The following TTC28 variants were observed in gnomAD, a reference collection of about 807,000 sequenced individuals.
TTC28 encodes tetratricopeptide repeat domain 28.
A neutral mutation model predicts 198.0 loss-of-function variants in TTC28; 61 were observed. The ratio of observed to expected loss-of-function variants is 0.31; its 90% CI spans 0.25 to 0.38. The LOEUF (loss-of-function observed/expected upper bound fraction) is 0.38, where lower values mean the gene tolerates loss of function less well. Among genes scored for constraint, TTC28 ranks in the 10% least tolerant of loss-of-function variants. The pLI, the probability that TTC28 is intolerant of heterozygous loss-of-function variation, is 1.00. For missense variants in TTC28, 2,678 were observed against 3,164.0 expected (o/e 0.85, Z 3.69); for synonymous variants, 1,171 against 1,297.8 (o/e 0.90, Z 2.10).
chr22:28,569,954 G>A (rs1471481226), intron 2 of TTC28, among the ~76,000 whole-genome samples: 2 of 152,130 alleles, frequency 1.3e-5, no homozygotes, highest in Non-Finnish European at 2.9e-5. Flanking sequence ...ATTAAAAAAT[G>A]CTCAACATCA....
chr22:28,554,371 T>TA (rs35063705), intron 2 of TTC28, among the ~76,000 whole-genome samples: 3,194 of 123,080 alleles, frequency 0.026, 33 homozygotes, highest in Non-Finnish European at 0.034. Flanking sequence ...AATGATCAAT[T>TA]AAAAAAAAAA....
At chr22:28,533,551 A>G (rs1040160932) in intron 2 of TTC28, among the ~76,000 whole-genome samples, 6 of 152,170 alleles carry the variant, frequency 3.9e-5, no homozygotes, top group Non-Finnish European at 8.8e-5. Context: ...AGAATTGGAA[A>G]AAAACTTCTT....
At chr22:28,578,834 G>A (rs1039084356) in intron 2 of TTC28, among the ~76,000 whole-genome samples, 1 of 152,048 alleles carries the variant, frequency 6.6e-6, no homozygotes, top group African/African-American at 2.4e-5. Context: ...CTCAGCCAGT[G>A]TCCATGGAAG....
At chr22:28,426,166 C>A (rs1047016231) in intron 2 of TTC28, among the ~76,000 whole-genome samples, 20 of 145,434 alleles carry the variant, frequency 1.4e-4, no homozygotes, top group Non-Finnish European at 2.8e-4. Context: ...GAGCTGAGAT[C>A]GCAACACTGC....
intron 5 of TTC28, among the ~76,000 whole-genome samples, chr22:28,241,239 A>G (rs955349393): frequency 6.6e-6 from 1 of 152,158 alleles, no homozygotes; most frequent in Admixed American, 6.5e-5. Context: ...CCAAAATGGA[A>G]AACGAGGATC....
chr22:28,460,160 T>C (rs1267284040), intron 2 of TTC28, among the ~76,000 whole-genome samples: 1 of 152,078 alleles, frequency 6.6e-6, no homozygotes, highest in Non-Finnish European at 1.5e-5. Context: ...AGAACAAAAG[T>C]TGAATAAGCA....
intron 2 of TTC28, among the ~76,000 whole-genome samples, chr22:28,361,398 C>G (rs557493002): frequency 1.3e-5 from 2 of 152,218 alleles, no homozygotes; most frequent in South Asian, 4.1e-4. Flanking sequence ...GGATAGAGAT[C>G]AAACCAGCCA....
At chr22:28,193,306 C>A (rs1925045457) in intron 5 of TTC28, among the ~76,000 whole-genome samples, 1 of 152,180 alleles carries the variant, frequency 6.6e-6, no homozygotes, top group Non-Finnish European at 1.5e-5. Flanking sequence ...TGGAAAGGAA[C>A]AACCGGTACC....
At chr22:28,243,696 T>C (rs1346438627) in intron 5 of TTC28, among the ~76,000 whole-genome samples, 1 of 152,076 alleles carries the variant, frequency 6.6e-6, no homozygotes, top group Non-Finnish European at 1.5e-5. Flanking sequence ...TTTAGTGGCA[T>C]GTGGGGTGGG....
chr22:28,490,588 T>C (rs1338044931), intron 2 of TTC28, among the ~76,000 whole-genome samples: 1 of 152,242 alleles, frequency 6.6e-6, no homozygotes, highest in East Asian at 1.9e-4. Context: ...CACACACAGT[T>C]ATTTGGACTA....
chr22:28,133,445 G>A (rs1264553523), intron 6 of TTC28, among the ~76,000 whole-genome samples: 1 of 152,134 alleles, frequency 6.6e-6, no homozygotes, highest in Non-Finnish European at 1.5e-5. Context: ...AGGGGTCAGG[G>A]AATTCCCTTT....
chr22:28,228,963 T>G (rs1199509677), intron 5 of TTC28, among the ~76,000 whole-genome samples: 1 of 151,896 alleles, frequency 6.6e-6, no homozygotes. Context: ...GAGACCATCC[T>G]GGCCAACACA....
intron 5 of TTC28, among the ~76,000 whole-genome samples, chr22:28,290,760 A>G (rs1372800846): frequency 1.3e-5 from 2 of 152,030 alleles, no homozygotes; most frequent in Non-Finnish European, 2.9e-5. Flanking sequence ...AATTTTTTTC[A>G]AATTAGGCAG....
chr22:28,252,143 C>T (rs1026402498), intron 5 of TTC28, among the ~76,000 whole-genome samples: 7 of 152,144 alleles, frequency 4.6e-5, no homozygotes, highest in Admixed American at 2.6e-4. Flanking sequence ...TCTTATGCTC[C>T]AACTCATTTG....
In TTC28 at chr22:28,121,291, TCA is replaced by T. The variant is rs368242265; in HGVS notation, c.1442-12890_1442-12889del. On this transcript the variant is annotated intron_variant, in intron 6 of 22. Transcript: ENST00000397906. ...TGGGCTTCCCAAGACATTTGTTGGT[TCA>T]CAGTGAACCTCAACCCTACTACATA... Among the ~76,000 whole-genome samples the T allele has an allele frequency of 1.1e-4, 17 of 152,346 alleles. No individual in the cohort carries two copies. The East Asian group carries it at 2.7e-3, about 24-fold the overall frequency.
chr22:28,013,916 G>A (rs1938254641), intron 14 of TTC28, among the ~76,000 whole-genome samples: 1 of 152,146 alleles, frequency 6.6e-6, no homozygotes, highest in Admixed American at 6.5e-5. Context: ...CACTCTGTTG[G>A]GCAGGCTGGG....
chr22:28,124,496 A>G (rs1024161340), intron 6 of TTC28, among the ~76,000 whole-genome samples: 8 of 152,202 alleles, frequency 5.3e-5, no homozygotes, highest in African/African-American at 1.9e-4. Flanking sequence ...ATTTAATCTC[A>G]CAAGTGGGTT....
intron 8 of TTC28, among the ~76,000 whole-genome samples, chr22:28,102,703 G>A (rs1289350328): frequency 6.6e-6 from 1 of 152,182 alleles, no homozygotes; most frequent in East Asian, 1.9e-4. Flanking sequence ...TCAGGCTTTT[G>A]AAAAGGAACT....
intron 5 of TTC28, among the ~76,000 whole-genome samples, chr22:28,196,166 G>C (rs989590849): frequency 2.0e-5 from 3 of 151,954 alleles, no homozygotes; most frequent in African/African-American, 7.3e-5. Flanking sequence ...TGACAAACCT[G>C]ACAAAAACAA....
Sources: allele counts gnomAD v4.1 joint callset (sites outside exome capture counted in the v4.1 genomes callset), GRCh38; gene constraint gnomAD v4.1.1; transcripts MANE v1.5; gene names NCBI Gene and HGNC (gene_info 2026-07-23, HGNC 2026-07-21).